RYK: variants seen among roughly 807,000 people sequenced by gnomAD.
RYK encodes the protein receptor like tyrosine kinase, also known as inactive tyrosine-protein kinase RYK.
Under a neutral mutation model 70.2 loss-of-function variants are expected in RYK, and 21 were observed. That is an observed-to-expected ratio of 0.30 (90% CI 0.21 to 0.43). RYK has a LOEUF of 0.43. Among genes scored for constraint, RYK ranks in the 20% least tolerant of loss-of-function variants. The pLI, the probability that RYK is intolerant of heterozygous loss-of-function variation, is 1.00. For synonymous variants in RYK, 267 were observed against 278.0 expected, an observed-to-expected ratio of 0.96 and a Z score of 0.39; for missense variants, 604 against 753.3, an observed-to-expected ratio of 0.80 and a Z score of 2.32.
At position 134,202,868 on chromosome 3, in the gene RYK, G is replaced by A; in HGVS notation, c.650C>T (p.Pro217Leu). 1 of 1,610,622 alleles carries A rather than the reference G, an allele frequency of 6.2e-7. No individual in the cohort carries two copies. The highest frequency in any genetic ancestry group is 8.5e-7 in the Non-Finnish European group (1 of 1,179,024). The stretch of plus-strand genomic sequence containing the variant: ...AGAAGTGGTTGGAGCTGCATGTACA[G>A]GATCATCTGAAATAAAAACAAAAAG... ...DKNTSRTIYD[P>L]VHAAPTTSTR... is the part of the protein sequence containing the mutation. Residue 217 changes from proline to leucine, a missense_variant, in exon 6 of 15, where the codon CCT becomes CTT. Pro to Leu is a moderately conservative substitution (Grantham distance 98). This residue lies in a region of RYK where 466 missense variants were observed against 535.9 expected (regional missense o/e 0.87). Coordinates refer to ENST00000623711, the MANE Select transcript of RYK (RefSeq NM_002958.4).
At chr3:134,247,589 C>T (rs192726047) in intron 1 of RYK, among the ~76,000 whole-genome samples, 3 of 152,084 alleles carry the variant, frequency 2.0e-5, no homozygotes, top group Middle Eastern at 3.4e-3. Context: ...GTAATCCCAA[C>T]TACTGGGGAG....
chr3:134,158,060 G>T lies in RYK; in HGVS notation c.*93C>A. 1 of 526,842 alleles carries T rather than the reference G, an allele frequency of 1.9e-6. No individual in the cohort carries two copies. Among genetic ancestry groups the T allele is most frequent in the Non-Finnish European group, 3.1e-6 (1 of 327,732 alleles). 32.6% of individuals were successfully genotyped at this position (526,842 alleles called of 1,614,324 possible). On this transcript the variant is annotated 3_prime_UTR_variant, in exon 15 of 15. Coordinates refer to ENST00000623711, the MANE Select transcript of RYK (RefSeq NM_002958.4). ...TGTTCTGGAAGACAAATGTGCTTCT[G>T]TTGGCGTTGTGTTAGATACAAAGCA...
chr3:134,235,592 TAAAAG>T (rs1275929584), intron 1 of RYK, among the ~76,000 whole-genome samples: 3 of 151,878 alleles, frequency 2.0e-5, no homozygotes, highest in Admixed American at 1.3e-4. Flanking sequence ...TGAAAAAAAT[TAAAAG>T]AGAAAAGCAA....
At chr3:134,169,333 T>C (rs546873554) in intron 13 of RYK, among the ~76,000 whole-genome samples, 48 of 152,324 alleles carry the variant, frequency 3.2e-4, no homozygotes, top group African/African-American at 1.1e-3. Flanking sequence ...TTACGTTAGC[T>C]ACTATAATTA....
chr3:134,209,125 A>C (rs1020262763), intron 4 of RYK, among the ~76,000 whole-genome samples: 5 of 152,190 alleles, frequency 3.3e-5, no homozygotes, highest in African/African-American at 1.2e-4. Context: ...TTCAAAACCA[A>C]AAAGAACTAA....
intron 8 of RYK, among the ~76,000 whole-genome samples, chr3:134,191,424 C>A (rs2013637012): frequency 6.6e-6 from 1 of 152,148 alleles, no homozygotes; most frequent in Non-Finnish European, 1.5e-5. Flanking sequence ...TCCAAAGCCA[C>A]ACGGAGAATA....
Position 134,196,282 on chromosome 3 carries a change from A to G in RYK, c.789-1100T>C, listed in dbSNP as rs887279954. On this transcript the variant is annotated intron_variant, in intron 6 of 14. Transcript: ENST00000623711. ...GTGGAGACGTGAAACATAGAAATTC[A>G]GCATGAAGGGTGAAACCAGATAGCA... Among the ~76,000 whole-genome samples, 6 of 152,196 alleles carry G rather than the reference A, an allele frequency of 3.9e-5. No homozygotes were observed. The East Asian group carries it at 1.2e-3, about 29-fold the overall frequency.
intron 2 of RYK, among the ~76,000 whole-genome samples, chr3:134,218,063 T>A (rs1024229890): frequency 1.3e-5 from 2 of 152,184 alleles, no homozygotes; most frequent in African/African-American, 2.4e-5. Context: ...ACTTGTGAAA[T>A]CAGTTTAGGT....
intron 13 of RYK, among the ~76,000 whole-genome samples, chr3:134,161,082 G>A (rs1299968227): frequency 6.6e-6 from 1 of 152,114 alleles, no homozygotes; most frequent in African/African-American, 2.4e-5. Context: ...AAATATATTA[G>A]TAACAACTGA....
At chr3:134,246,778 A>G (rs754552264) in intron 1 of RYK, among the ~76,000 whole-genome samples, 22 of 152,204 alleles carry the variant, frequency 1.4e-4, no homozygotes, top group Non-Finnish European at 2.8e-4. Flanking sequence ...GAGGATACAT[A>G]CATAGTAGCA....
At chr3:134,166,706 T>C (rs1295661209) in intron 13 of RYK, among the ~76,000 whole-genome samples, 1 of 152,216 alleles carries the variant, frequency 6.6e-6, no homozygotes, top group Non-Finnish European at 1.5e-5. Context: ...AGGACAAGTC[T>C]CTTTAAAGGA....
chr3:134,218,676 G>C (rs1306816328), intron 2 of RYK, among the ~76,000 whole-genome samples: 2 of 152,170 alleles, frequency 1.3e-5, no homozygotes, highest in Non-Finnish European at 2.9e-5. Context: ...GCCGAGACCA[G>C]ATCATAAAGG....
chr3:134,242,366 A>G (rs2015346195), intron 1 of RYK, among the ~76,000 whole-genome samples: 1 of 152,172 alleles, frequency 6.6e-6, no homozygotes. Context: ...TCACTGCTGA[A>G]CACACAAAAA....
intron 2 of RYK, among the ~76,000 whole-genome samples, chr3:134,216,184 A>G (rs2014547095): frequency 6.6e-6 from 1 of 152,224 alleles, no homozygotes; most frequent in African/African-American, 2.4e-5. Flanking sequence ...TACAAATAGG[A>G]AGCTGGTAAG....
In RYK at chr3:134,183,013, A is replaced by T; in HGVS notation, c.1161T>A (p.Gly387=). Reference sequence around the variant, plus strand: ...GTTTCTCCTCTCACCTGTGATGAAGACCTCGCAGCTTACAACTTTCAGTGA... The same window carrying T: ...GTTTCTCCTCTCACCTGTGATGAAGTCCTCGCAGCTTACAACTTTCAGTGA... ...MMLTESCKLR[G]LHHRNLLPIT... is the part of the protein sequence containing the mutation. Residue 387 remains glycine (G), a synonymous_variant, in exon 10 of 15, where the codon GGT becomes GGA. Coordinates refer to ENST00000623711, the MANE Select transcript of RYK (RefSeq NM_002958.4). 1 of 1,585,896 alleles carries T rather than the reference A, an allele frequency of 6.3e-7. No homozygotes were observed. The highest frequency in any genetic ancestry group is 2.3e-5 in the East Asian group (1 of 44,190).
chr3:134,219,212 G>A (rs749092658), intron 2 of RYK, among the ~76,000 whole-genome samples: 19 of 151,920 alleles, frequency 1.3e-4, no homozygotes, highest in Admixed American at 2.0e-4. Context: ...ATATTCACCC[G>A]AGCCCCTCCT....
At chr3:134,233,797 A>G (rs2015129544) in intron 1 of RYK, among the ~76,000 whole-genome samples, 3 of 152,186 alleles carry the variant, frequency 2.0e-5, no homozygotes, top group Admixed American at 6.5e-5. Flanking sequence ...CATGAACAAA[A>G]CTGTTATAAA....
intron 9 of RYK, among the ~76,000 whole-genome samples, chr3:134,186,658 T>A (rs1228048183): frequency 6.6e-6 from 1 of 152,144 alleles, no homozygotes; most frequent in Non-Finnish European, 1.5e-5. Flanking sequence ...TGACTACAAG[T>A]CAAGCATATA....
chr3:134,218,430 G>A (rs182331773), intron 2 of RYK, among the ~76,000 whole-genome samples: 14 of 152,312 alleles, frequency 9.2e-5, no homozygotes, highest in African/African-American at 3.1e-4. Context: ...AGTATAACTA[G>A]GGCTATGAGA....
Sources: allele counts gnomAD v4.1 joint callset (sites outside exome capture counted in the v4.1 genomes callset), GRCh38; gene constraint gnomAD v4.1.1; regional missense constraint gnomAD v4.1.1; transcripts MANE v1.5; gene names NCBI Gene and HGNC (gene_info 2026-07-23, HGNC 2026-07-21).